The following SPATA16 variants were observed in gnomAD, a reference collection of about 807,000 sequenced individuals.
The protein encoded by SPATA16 is spermatogenesis-associated protein 16.
Under a neutral mutation model 63.3 loss-of-function variants are expected in SPATA16, and 36 were observed. The observed-to-expected ratio is 0.57, with a 90% CI of 0.44 to 0.75. The LOEUF is 0.75. SPATA16 is among the 30% of genes least tolerant of loss of function. The pLI is 0.00. For synonymous variants in SPATA16, 203 were observed against 216.7 expected (o/e 0.94, Z 0.56); for missense variants, 646 against 679.3 (o/e 0.95, Z 0.54).
At chr3:173,001,696 T>TA (rs1734833006) in intron 4 of SPATA16, among the ~76,000 whole-genome samples, 1 of 152,216 alleles carries the variant, frequency 6.6e-6, no homozygotes, top group African/African-American at 2.4e-5. Flanking sequence ...TCTCCTTCAG[T>TA]AAGCTATTAT....
In SPATA16 at chr3:173,019,497, T is replaced by C. The variant is rs1248921525; in HGVS notation, c.837A>G (p.Ser279=). The stretch of plus-strand genomic sequence containing the variant: ...TAAAACAAACATACCGGGCAGCCTC[T>C]GAATACCTCTCCAGACATCTAAACA... The part of the protein sequence containing the change: ...ATVFRCLERY[S]EAARSAMIAD... The change falls in exon 4 of 11, where the codon TCA becomes TCG. Residue 279 remains serine, a synonymous_variant. Coordinates refer to ENST00000351008, the MANE Select transcript of SPATA16 (RefSeq NM_031955.6). 6.2e-7 allele frequency: 1 copy of C among 1,613,898 alleles called. No homozygotes were observed. The highest frequency in any genetic ancestry group is 2.2e-5 in the East Asian group (1 of 44,874).
chr3:173,066,684 T>G (rs1736528540), intron 2 of SPATA16, among the ~76,000 whole-genome samples: 1 of 152,058 alleles, frequency 6.6e-6, no homozygotes, highest in Non-Finnish European at 1.5e-5. Context: ...TAAAAAACCC[T>G]CTCAAGAAGG....
At chr3:173,107,934 A>G (rs1035520816) in intron 2 of SPATA16, among the ~76,000 whole-genome samples, 2 of 152,212 alleles carry the variant, frequency 1.3e-5, no homozygotes, top group Non-Finnish European at 2.9e-5. Context: ...ATCCCTAAAC[A>G]GTCTTCAAAC....
rs115051353 is a variant in SPATA16 at position 172,922,989 on chromosome 3, G to A, written c.1338+1219C>T. On this transcript the variant is annotated intron_variant, in intron 8 of 10. Coordinates refer to ENST00000351008, the MANE Select transcript of SPATA16 (RefSeq NM_031955.6). The stretch of plus-strand genomic sequence containing the variant: ...AAAAAACTAAAAACTAAAAAACAAA[G>A]AGCTAGGCCACAGGCAGATCACATC... Among the ~76,000 whole-genome samples the A allele has an allele frequency of 7.5e-3, 1,140 of 152,170 alleles. 8 individuals carry two copies. Among genetic ancestry groups the A allele is most frequent in the Admixed American group, 0.011 (172 of 15,274 alleles).
At chr3:173,078,286 G>C (rs1021494734) in intron 2 of SPATA16, among the ~76,000 whole-genome samples, 1 of 152,060 alleles carries the variant, frequency 6.6e-6, no homozygotes, top group East Asian at 1.9e-4. Flanking sequence ...TAGTATTTAA[G>C]TACTGGCTAC....
chr3:172,975,454 A>G (rs1734132510), intron 5 of SPATA16, among the ~76,000 whole-genome samples: 1 of 152,036 alleles, frequency 6.6e-6, no homozygotes, highest in Non-Finnish European at 1.5e-5. Flanking sequence ...AAGATTCACA[A>G]CTCCTTTCCC....
At chr3:173,028,023 T>TTTCCTTCTTTCCTTCCTTCC in intron 3 of SPATA16, among the ~76,000 whole-genome samples, 1 of 36,682 alleles carries the variant, frequency 2.7e-5, no homozygotes, top group South Asian at 1.7e-3. Flanking sequence ...CCCTTCCTTC[T>TTTCCTTCTTTCCTTCCTTCC]TTCCTTCCTT....
At chr3:173,040,317 T>C (rs2108289083) in intron 3 of SPATA16, among the ~76,000 whole-genome samples, 1 of 152,290 alleles carries the variant, frequency 6.6e-6, no homozygotes, top group South Asian at 2.1e-4. Context: ...TTTCTTACTT[T>C]TTATACAAAT....
chr3:172,973,494 C>T (rs1402578096), intron 5 of SPATA16, among the ~76,000 whole-genome samples: 1 of 152,112 alleles, frequency 6.6e-6, no homozygotes, highest in African/African-American at 2.4e-5. Context: ...TTGCTGAGCA[C>T]CGCAGACCAG....
intron 4 of SPATA16, among the ~76,000 whole-genome samples, chr3:172,997,521 A>G (rs916250545): frequency 1.1e-4 from 16 of 151,984 alleles, no homozygotes; most frequent in Non-Finnish European, 2.1e-4. Flanking sequence ...TCTTTATCGT[A>G]TGTGCCTTTT....
chr3:173,086,470 T>A (rs1737056149), intron 2 of SPATA16, among the ~76,000 whole-genome samples: 1 of 151,976 alleles, frequency 6.6e-6, no homozygotes, highest in Non-Finnish European at 1.5e-5. Flanking sequence ...TATTCCATTA[T>A]TTTCTTCAAA....
chr3:173,139,520 A>G (rs1362610384), intron 1 of SPATA16, among the ~76,000 whole-genome samples: 1 of 152,196 alleles, frequency 6.6e-6, no homozygotes, highest in Non-Finnish European at 1.5e-5. Flanking sequence ...AGGATTTAAA[A>G]ACCCTTGAGC....
At chr3:172,905,424 A>C (rs1265156437) in intron 10 of SPATA16, among the ~76,000 whole-genome samples, 2 of 152,160 alleles carry the variant, frequency 1.3e-5, no homozygotes, top group Non-Finnish European at 2.9e-5. Flanking sequence ...CTCTCAGAAG[A>C]GTTTCTGGAA....
At chr3:172,988,308 G>T (rs1344118239) in intron 4 of SPATA16, among the ~76,000 whole-genome samples, 1 of 152,202 alleles carries the variant, frequency 6.6e-6, no homozygotes, top group Non-Finnish European at 1.5e-5. Flanking sequence ...AAAGGGTAAA[G>T]TGACGTAAAA....
Position 173,117,177 on chromosome 3 carries a change from A to G in SPATA16, c.555T>C (p.Ser185=). 5 of 1,614,138 alleles carry G rather than the reference A, an allele frequency of 3.1e-6. No homozygotes were observed. Among genetic ancestry groups the G allele is most frequent in the Non-Finnish European group, 3.4e-6 (4 of 1,179,994 alleles). The part of the protein sequence containing the change: ...WLQVALKDAS[S]CYRQKKYALA... Reference sequence around the variant, plus strand: ...AGGCGTATTTCTTTTGTCTATAGCAAGAGCTGGCATCCTTTAAGGCTACCT... The same window carrying G: ...AGGCGTATTTCTTTTGTCTATAGCAGGAGCTGGCATCCTTTAAGGCTACCT... The change falls in exon 2 of 11, where the codon TCT becomes TCC. Residue 185 remains serine, a synonymous_variant. Coordinates refer to ENST00000351008, the MANE Select transcript of SPATA16 (RefSeq NM_031955.6).
chr3:173,098,624 A>G (rs1008787118), intron 2 of SPATA16, among the ~76,000 whole-genome samples: 1 of 152,170 alleles, frequency 6.6e-6, no homozygotes, highest in Non-Finnish European at 1.5e-5. Context: ...GTGGAAGATC[A>G]TATTGAAGGC....
chr3:172,956,159 T>C (rs1733588203), intron 6 of SPATA16, among the ~76,000 whole-genome samples: 2 of 152,022 alleles, frequency 1.3e-5, no homozygotes, highest in Non-Finnish European at 2.9e-5. Flanking sequence ...TTTCCAAAGA[T>C]GAAAAAGGGG....
chr3:172,991,864 T>C (rs1734585262), intron 4 of SPATA16, among the ~76,000 whole-genome samples: 1 of 152,216 alleles, frequency 6.6e-6, no homozygotes, highest in Admixed American at 6.5e-5. Flanking sequence ...GGAAGTGGAA[T>C]GCTATGTGTA....
intron 5 of SPATA16, among the ~76,000 whole-genome samples, chr3:172,958,226 T>G (rs1390150148): frequency 6.6e-6 from 1 of 152,146 alleles, no homozygotes; most frequent in African/African-American, 2.4e-5. Context: ...GACAAGGAAT[T>G]GCTGGACGTA....
Sources: allele counts gnomAD v4.1 joint callset (sites outside exome capture counted in the v4.1 genomes callset), GRCh38; gene constraint gnomAD v4.1.1; transcripts MANE v1.5; gene names NCBI Gene and HGNC (gene_info 2026-07-23, HGNC 2026-07-21).